EEF1AKMT3: variants seen among roughly 807,000 people sequenced by gnomAD.
EEF1AKMT3 encodes eEF1A-KMT3.
Under a neutral mutation model 17.8 loss-of-function variants are expected in EEF1AKMT3, and 17 were observed. The ratio of observed to expected loss-of-function variants is 0.96; its 90% CI spans 0.65 to 1.43. The LOEUF (loss-of-function observed/expected upper bound fraction) is 1.43, where lower values mean the gene tolerates loss of function less well. EEF1AKMT3 is among the 40% of genes most tolerant of loss of function. The pLI is 0.00. For synonymous variants in EEF1AKMT3, 116 were observed against 126.5 expected, an observed-to-expected ratio of 0.92 and a Z score of 0.56; for missense variants, 244 against 285.8, an observed-to-expected ratio of 0.85 and a Z score of 1.06.
At position 57,781,322 on chromosome 12, in the gene EEF1AKMT3, G is replaced by A. The variant is rs1383019732; in HGVS notation, c.*676G>A. On this transcript the variant is annotated 3_prime_UTR_variant, in exon 3 of 3. Transcript: ENST00000300209. The stretch of plus-strand genomic sequence containing the variant: ...TGATCCACCCGCCTTGCCTCCCAAA[G>A]TGCTGGGATTGCAGGCATGGCCCAC... The A allele has an allele frequency of 6.6e-6, 1 of 151,908 alleles. No homozygotes were observed. Among genetic ancestry groups the A allele is most frequent in the Non-Finnish European group, 1.5e-5 (1 of 68,096 alleles). 9.4% of individuals were successfully genotyped at this position (151,908 alleles called of 1,614,324 possible).
At chr12:57,777,725 A>C (rs1955488576) in intron 2 of EEF1AKMT3, among the ~76,000 whole-genome samples, 1 of 152,074 alleles carries the variant, frequency 6.6e-6, no homozygotes, top group Admixed American at 6.6e-5. Context: ...CATGCCTTTA[A>C]ATGTCCTGTT....
Position 57,782,459 on chromosome 12 carries a change from C to T in EEF1AKMT3, c.*1813C>T. ...TTGGACAAATTCTCGAACCCATTCACCAACCACACAAGTTTGTTGTGAGTC... is the reference window on the plus strand; with the variant it reads ...TTGGACAAATTCTCGAACCCATTCATCAACCACACAAGTTTGTTGTGAGTC... On this transcript the variant is annotated 3_prime_UTR_variant, in exon 3 of 3. Transcript: ENST00000300209. 1 of 279,548 alleles carries T rather than the reference C, an allele frequency of 3.6e-6. No homozygotes were observed. Among genetic ancestry groups the T allele is most frequent in the Non-Finnish European group, 6.8e-6 (1 of 146,616 alleles). 17.3% of individuals were successfully genotyped at this position (279,548 alleles called of 1,614,324 possible).
intron 2 of EEF1AKMT3, among the ~76,000 whole-genome samples, chr12:57,775,105 CAAAAAAAAA>C (rs1019116260): frequency 2.4e-4 from 8 of 33,628 alleles, no homozygotes; most frequent in African/African-American, 3.2e-4. Flanking sequence ...AACGCCATCT[CAAAAAAAAA>C]AAAAAAAAAA....
intron 2 of EEF1AKMT3, chr12:57,774,590 G>A (rs921520047): frequency 1.1e-6 from 1 of 921,038 alleles, no homozygotes; most frequent in Admixed American, 2.0e-5. Context: ...TAGGTATTGG[G>A]GATTCAACAA....
At chr12:57,778,044 C>G (rs1171801152) in intron 2 of EEF1AKMT3, among the ~76,000 whole-genome samples, 2 of 151,576 alleles carry the variant, frequency 1.3e-5, no homozygotes, top group East Asian at 3.9e-4. Flanking sequence ...AAAAATGCCC[C>G]GTTGGTGATC....
Position 57,780,713 on chromosome 12 carries a change from T to C in EEF1AKMT3, c.*67T>C. The C allele has an allele frequency of 1.3e-6, 2 of 1,571,582 alleles. No individual in the cohort carries two copies. The highest frequency in any genetic ancestry group is 4.5e-5 in the East Asian group (2 of 44,684). ...GGAACTGTGTATCTCAAAAACCATA[T>C]TTCCAGAGCCACAAACATGAGGACC... On this transcript the variant is annotated 3_prime_UTR_variant, in exon 3 of 3. Transcript: ENST00000300209.
At position 57,780,400 on chromosome 12, in the gene EEF1AKMT3, C is replaced by T; in HGVS notation, c.435C>T (p.Asp145=). 1.9e-6 allele frequency: 3 copies of T among 1,614,202 alleles called. No individual in the cohort carries two copies. The highest frequency in any genetic ancestry group is 2.2e-5 in the East Asian group (1 of 44,874). ...ATCATGTCTTCCCTGCAAACTATGA[C>T]CTGGTGCTGGGGGCTGATATCGTGT... is the stretch of plus-strand genomic sequence containing the variant. ...IDHHVFPANY[D]LVLGADIVYL... is the part of the protein sequence containing the mutation. Residue 145 remains aspartate (D), a synonymous_variant, in exon 3 of 3, where the codon GAC becomes GAT. Coordinates refer to ENST00000300209, the MANE Select transcript of EEF1AKMT3 (RefSeq NM_015433.3).
At chr12:57,775,450 C>T (rs1315956523) in intron 2 of EEF1AKMT3, among the ~76,000 whole-genome samples, 3 of 150,868 alleles carry the variant, frequency 2.0e-5, no homozygotes, top group Non-Finnish European at 4.4e-5. Context: ...GGCATGATCT[C>T]GGCTCACCGC....
At chr12:57,779,999 C>T (rs368083235) in intron 2 of EEF1AKMT3, among the ~76,000 whole-genome samples, 1 of 152,334 alleles carries the variant, frequency 6.6e-6, no homozygotes, top group South Asian at 2.1e-4. Context: ...GCCCAGGCTT[C>T]TGCTGACATC....
Position 57,780,844 on chromosome 12 carries a change from A to G in EEF1AKMT3, c.*198A>G, listed in dbSNP as rs1955509204. 6 of 676,116 alleles carry G rather than the reference A, an allele frequency of 8.9e-6. No individual in the cohort carries two copies. The highest frequency in any genetic ancestry group is 1.5e-5 in the Non-Finnish European group (6 of 411,368). 41.9% of individuals were successfully genotyped at this position (676,116 alleles called of 1,614,324 possible). A position where few individuals can be genotyped will look rare whatever the true frequency, so the allele number is the denominator to read the frequency against. ...GAGGTGCCTGCTTACAAGGAATCCC[A>G]GAGTTCTGGCAGCACTAGTGTTAGA... On this transcript the variant is annotated 3_prime_UTR_variant, in exon 3 of 3. Coordinates refer to ENST00000300209, the MANE Select transcript of EEF1AKMT3 (RefSeq NM_015433.3).
At chr12:57,779,255 C>T (rs1348074296) in intron 2 of EEF1AKMT3, among the ~76,000 whole-genome samples, 2 of 152,096 alleles carry the variant, frequency 1.3e-5, no homozygotes. Context: ...ATTCTTATCC[C>T]CCTTCCCTGC....
rs1201380761 is a variant in EEF1AKMT3, at chr12:57,782,348, A to G, written c.*1702A>G. On this transcript the variant is annotated 3_prime_UTR_variant, in exon 3 of 3. Coordinates refer to ENST00000300209, the MANE Select transcript of EEF1AKMT3 (RefSeq NM_015433.3). Reference sequence around the variant, plus strand: ...AGCCTAACACAGTTCCTGGCACACAACAGGTGTTCAACAGATATTGTGCTC... The same window carrying G: ...AGCCTAACACAGTTCCTGGCACACAGCAGGTGTTCAACAGATATTGTGCTC... 5.9e-6 allele frequency: 1 copy of G among 168,314 alleles called. No homozygotes were observed. Among genetic ancestry groups the G allele is most frequent in the African/African-American group, 2.4e-5 (1 of 41,708 alleles). The allele number at this position is 168,314 out of a possible 1,614,324, so 10.4% of individuals were successfully genotyped here. A position where few individuals can be genotyped will look rare whatever the true frequency, so the allele number is the denominator to read the frequency against.
intron 2 of EEF1AKMT3, chr12:57,774,827 C>T (rs532512583): frequency 1.0e-4 from 152 of 1,500,716 alleles, no homozygotes; most frequent in South Asian, 2.7e-4. Context: ...GGGTGCCGGC[C>T]GGGCTCGGTG....
At chr12:57,779,662 A>ACC (rs1270014543) in intron 2 of EEF1AKMT3, among the ~76,000 whole-genome samples, 1 of 136,760 alleles carries the variant, frequency 7.3e-6, no homozygotes, top group East Asian at 3.5e-4. Flanking sequence ...GACCATCTTC[A>ACC]CCCGTTTCTG....
chr12:57,782,526 T>G lies in EEF1AKMT3; in HGVS notation c.*1880T>G, dbSNP rs1165781243. On this transcript the variant is annotated 3_prime_UTR_variant, in exon 3 of 3. Transcript: ENST00000300209. ...TATAAATGCGCATTGAAAATAAACA[T>G]AAAATGTTACCCACATTTCTTGTGT... 3.4e-5 allele frequency: 16 copies of G among 473,758 alleles called. No homozygotes were observed. The East Asian group carries it at 5.1e-4, about 15-fold the overall frequency. 29.3% of individuals were successfully genotyped at this position (473,758 alleles called of 1,614,324 possible). A position where few individuals can be genotyped will look rare whatever the true frequency, so the allele number is the denominator to read the frequency against.
chr12:57,774,729 C>G, intron 2 of EEF1AKMT3: 1 of 1,612,384 alleles, frequency 6.2e-7, no homozygotes, highest in South Asian at 1.1e-5. Flanking sequence ...CCATGTCTAC[C>G]ATGACTCCCT....
Position 57,772,959 on chromosome 12 carries a change from C to G in EEF1AKMT3, c.177+58C>G. 6.2e-7 allele frequency: 1 copy of G among 1,612,948 alleles called. No individual in the cohort carries two copies. Among genetic ancestry groups the G allele is most frequent in the African/African-American group, 1.3e-5 (1 of 75,026 alleles). ...TGGGAGGTCCAGATCCCGGACTCCG[C>G]CTCTCCCATATGGAGCCATCCTCAC... On this transcript the variant is annotated intron_variant, in intron 1 of 2. Coordinates refer to ENST00000300209, the MANE Select transcript of EEF1AKMT3 (RefSeq NM_015433.3). The surrounding 1 kb of genome is among the most constrained non-coding windows in gnomAD (Gnocchi z 4.1).
chr12:57,780,657 G>A lies in EEF1AKMT3; in HGVS notation c.*11G>A, dbSNP rs1192274420. ...CCAAGACCTGCTTGACATCACCCTTGCTGTTCTTCTCAATCTCTTGCTCTA... is the reference window on the plus strand; with the variant it reads ...CCAAGACCTGCTTGACATCACCCTTACTGTTCTTCTCAATCTCTTGCTCTA... On this transcript the variant is annotated 3_prime_UTR_variant, in exon 3 of 3. Coordinates refer to ENST00000300209, the MANE Select transcript of EEF1AKMT3 (RefSeq NM_015433.3). 6.2e-7 allele frequency: 1 copy of A among 1,603,172 alleles called. No homozygotes were observed. Among genetic ancestry groups the A allele is most frequent in the African/African-American group, 1.3e-5 (1 of 74,866 alleles).
At position 57,773,668 on chromosome 12, in the gene EEF1AKMT3, C is replaced by T. The variant is rs529955935; in HGVS notation, c.289+540C>T. ...CTCGAACTCCTGACCTCAGGTGATC[C>T]ATCTGCCTCGCGAGGCGCCTGGGAT... On this transcript the variant is annotated intron_variant, in intron 2 of 2. Transcript: ENST00000300209. Among the ~76,000 whole-genome samples the T allele has an allele frequency of 1.9e-3, 294 of 152,268 alleles. 1 individual carries two copies. Among genetic ancestry groups the T allele is most frequent in the African/African-American group, 6.4e-3 (266 of 41,562 alleles).
Sources: gnomAD v4.1 joint callset for allele counts (sites outside exome capture counted in the v4.1 genomes callset) on GRCh38, gnomAD v4.1.1 for gene constraint, Gnocchi (gnomAD v3.1) non-coding constraint, MANE v1.5 for transcripts, NCBI Gene and HGNC (gene_info 2026-07-23, HGNC 2026-07-21) for gene names.